Variants in TET2 observed in about 807,000 individuals in gnomAD.
TET2 encodes methylcytosine dioxygenase TET2.
A neutral mutation model predicts 142.9 loss-of-function variants in TET2; 299 were observed. The observed-to-expected ratio is 2.09, with a 90% CI of 1.90 to 2.30. TET2 has a LOEUF of 2.30. Among genes scored for constraint, TET2 ranks in the 30% most tolerant of loss-of-function variants. The pLI is 0.00. For missense variants in TET2, 2,418 were observed against 2,378.0 expected (o/e 1.02, Z -0.35); for synonymous variants, 819 against 849.0 (o/e 0.96, Z 0.61).
At chr4:105,216,972 A>G (rs889500978) in intron 2 of TET2, among the ~76,000 whole-genome samples, 3 of 152,044 alleles carry the variant, frequency 2.0e-5, no homozygotes, top group African/African-American at 7.2e-5. Flanking sequence ...GTTATTTTCA[A>G]TACATACGTG....
intron 2 of TET2, among the ~76,000 whole-genome samples, chr4:105,214,043 G>T (rs1471410608): frequency 6.6e-6 from 1 of 151,920 alleles, no homozygotes. Context: ...TAGAAACAAG[G>T]TTTCACCATG....
At chr4:105,246,736 G>A (rs1415304802) in intron 6 of TET2, among the ~76,000 whole-genome samples, 2 of 152,102 alleles carry the variant, frequency 1.3e-5, no homozygotes, top group Non-Finnish European at 2.9e-5. Context: ...TTGGGGCTGC[G>A]GACTCAGTTT....
chr4:105,146,281 T>TAGA (rs1292868584), upstream of TET2: 1 of 152,394 alleles, frequency 6.6e-6, no homozygotes, highest in East Asian at 1.9e-4. Flanking sequence ...TGTCACGTCT[T>TAGA]TGTCCAGGCA....
At chr4:105,189,649 T>C (rs1192427595) in intron 1 of TET2, among the ~76,000 whole-genome samples, 2 of 152,248 alleles carry the variant, frequency 1.3e-5, no homozygotes, top group Non-Finnish European at 2.9e-5. Flanking sequence ...TCCACTTATT[T>C]GTAGCACCCA....
At chr4:105,230,021 T>C (rs891839142) in intron 2 of TET2, among the ~76,000 whole-genome samples, 3 of 152,124 alleles carry the variant, frequency 2.0e-5, no homozygotes, top group Non-Finnish European at 4.4e-5. Flanking sequence ...TTAATGTATA[T>C]ATGAGCATAT....
chr4:105,226,637 C>G (rs1436230654), intron 2 of TET2, among the ~76,000 whole-genome samples: 1 of 151,550 alleles, frequency 6.6e-6, no homozygotes. Context: ...GTCCTTCCCT[C>G]CCTCTTCCTC....
In TET2 at chr4:105,275,621, A is replaced by G. The variant is rs1205268058; in HGVS notation, c.5111A>G (p.Asp1704Gly). ...TATGGAAACCAAAATATGCAGGGAG[A>G]TGGTTTCAGCAGTTGTACCATTAGA... is the stretch of plus-strand genomic sequence containing the variant. The part of the protein sequence containing the change: ...LGYGNQNMQG[D>G]GFSSCTIRPN... The change falls in exon 11 of 11, where the codon GAT becomes GGT. Residue 1704 changes from aspartate to glycine, a missense_variant. Physicochemically the swap from Asp to Gly is moderately conservative, Grantham distance 94. Transcript: ENST00000380013. 7 of 1,551,770 alleles carry G rather than the reference A, an allele frequency of 4.5e-6. No homozygotes were observed. The highest frequency in any genetic ancestry group is 6.1e-6 in the Non-Finnish European group (7 of 1,147,038).
intron 2 of TET2, among the ~76,000 whole-genome samples, chr4:105,202,878 A>T (rs1161087379): frequency 1.3e-5 from 2 of 152,250 alleles, no homozygotes; most frequent in Non-Finnish European, 2.9e-5. Flanking sequence ...AATGGCTGTT[A>T]ACTATACATC....
chr4:105,275,121 G>T lies in TET2; in HGVS notation c.4611G>T (p.Gln1537His). The change falls in exon 11 of 11, where the codon CAG becomes CAT. Residue 1537 changes from glutamine to histidine, a missense_variant. Gln to His is a conservative substitution (Grantham distance 24). Coordinates refer to ENST00000380013, the MANE Select transcript of TET2 (RefSeq NM_001127208.3). The stretch of plus-strand genomic sequence containing the variant: ...AGCCTCTACAGAAGCAGCCACCACA[G>T]CCCCAGCAGCAGCAGAGACCCCAGC... ...QPQPLQKQPP[Q>H]PQQQQRPQQQ... The T allele has an allele frequency of 3.2e-6, 5 of 1,551,626 alleles. No homozygotes were observed. The highest frequency in any genetic ancestry group is 4.4e-6 in the Non-Finnish European group (5 of 1,146,906).
chr4:105,171,189 T>A (rs1201775917), intron 1 of TET2, among the ~76,000 whole-genome samples: 1 of 152,174 alleles, frequency 6.6e-6, no homozygotes, highest in Non-Finnish European at 1.5e-5. Flanking sequence ...ATTTCTGTTT[T>A]ATTCAAAGTG....
intron 2 of TET2, among the ~76,000 whole-genome samples, chr4:105,233,244 C>T (rs1728607855): frequency 6.6e-6 from 1 of 151,772 alleles, no homozygotes; most frequent in Admixed American, 6.6e-5. Context: ...ATTAGCTAGG[C>T]ATGGTAGCAG....
Position 105,276,035 on chromosome 4 carries a change from AC to A in TET2, c.5526del (p.Asp1842GlufsTer45). On this transcript the variant is annotated frameshift_variant, in exon 11 of 11. Coordinates refer to ENST00000380013, the MANE Select transcript of TET2 (RefSeq NM_001127208.3). LOFTEE classifies it high-confidence loss of function. ...LVQGVASGAE[D>X]NDEVWSDSEQ... The stretch of plus-strand genomic sequence containing the variant: ...CAGGGTGTGGCTTCTGGTGCAGAGG[AC>A]AACGATGAGGTCTGGTCAGACAGCG... The A allele has an allele frequency of 6.4e-7, 1 of 1,551,676 alleles. No homozygotes were observed. The highest frequency in any genetic ancestry group is 8.7e-7 in the Non-Finnish European group (1 of 1,146,980).
intron 2 of TET2, among the ~76,000 whole-genome samples, chr4:105,218,974 TTCA>T (rs1282951032): frequency 1.3e-5 from 2 of 152,098 alleles, no homozygotes; most frequent in Non-Finnish European, 1.5e-5. Flanking sequence ...TAGAGTAATC[TTCA>T]TCATGTATGG....
chr4:105,202,803 A>G (rs767623171), intron 2 of TET2, among the ~76,000 whole-genome samples: 9 of 152,220 alleles, frequency 5.9e-5, no homozygotes, highest in Non-Finnish European at 1.0e-4. Context: ...TAGTTTTGTA[A>G]TAGAATTGCT....
At chr4:105,154,015 G>A (rs1016800640) in intron 1 of TET2, among the ~76,000 whole-genome samples, 1 of 152,176 alleles carries the variant, frequency 6.6e-6, no homozygotes, top group African/African-American at 2.4e-5. Context: ...TGTCACATAG[G>A]TGAATCTGAG....
chr4:105,189,336 A>G (rs981608427), intron 1 of TET2, among the ~76,000 whole-genome samples: 5 of 152,162 alleles, frequency 3.3e-5, no homozygotes, highest in African/African-American at 4.8e-5. Context: ...ATACTATTCC[A>G]GATACTATTT....
chr4:105,264,485 C>G (rs1240135501), intron 8 of TET2, among the ~76,000 whole-genome samples: 1 of 152,046 alleles, frequency 6.6e-6, no homozygotes, highest in Non-Finnish European at 1.5e-5. Flanking sequence ...TCTTTTTGCT[C>G]CCTTGATTCT....
At chr4:105,174,366 A>G (rs1724654965) in intron 1 of TET2, among the ~76,000 whole-genome samples, 1 of 152,216 alleles carries the variant, frequency 6.6e-6, no homozygotes, top group African/African-American at 2.4e-5. Flanking sequence ...CTGGGATGAC[A>G]TATGGTTAAA....
In TET2 at chr4:105,269,641, G is replaced by C. The variant is rs775677220; in HGVS notation, c.4076G>C (p.Arg1359Pro). Residue 1359 changes from arginine (R) to proline (P), a missense_variant, in exon 9 of 11, where the codon CGT (arginine) becomes CCT (proline). By Grantham distance (103) the Arg-to-Pro change is moderately radical (BLOSUM62 -2). Transcript: ENST00000380013. Reference protein sequence around the residue: ...IEYEHRAPECRLGLKEGRPFS... With the variant: ...IEYEHRAPECPLGLKEGRPFS... The stretch of plus-strand genomic sequence containing the variant: ...TATGAACACAGAGCACCAGAGTGCC[G>C]TCTGGGTCTGAAGGAAGGCCGTCCA... 2 of 1,551,500 alleles carry C rather than the reference G, an allele frequency of 1.3e-6. No individual in the cohort carries two copies. Among genetic ancestry groups the C allele is most frequent in the Non-Finnish European group, 1.7e-6 (2 of 1,146,906 alleles).
Sources: allele counts gnomAD v4.1 joint callset (sites outside exome capture counted in the v4.1 genomes callset), GRCh38; gene constraint gnomAD v4.1.1; transcripts MANE v1.5; gene names NCBI Gene and HGNC (gene_info 2026-07-23, HGNC 2026-07-21).